The following USF1 variants were observed in gnomAD, a reference collection of about 807,000 sequenced individuals.
USF1 encodes the protein upstream transcription factor 1.
A neutral mutation model predicts 46.3 loss-of-function variants in USF1; 22 were observed. The ratio of observed to expected loss-of-function variants is 0.47; its 90% confidence interval spans 0.34 to 0.68. The LOEUF (loss-of-function observed/expected upper bound fraction) is 0.68, where lower values mean the gene tolerates loss of function less well. Among genes scored for constraint, USF1 ranks in the 30% least tolerant of loss-of-function variants. The pLI, the probability that USF1 is intolerant of heterozygous loss-of-function variation, is 0.01. For missense variants in USF1, 287 were observed against 399.3 expected, an observed-to-expected ratio of 0.72 and a Z score of 2.40; for synonymous variants, 150 against 147.0, an observed-to-expected ratio of 1.02 and a Z score of -0.15.
At position 161,040,904 on chromosome 1, in the gene USF1, G is replaced by A; in HGVS notation, c.561-32C>T. Reference sequence around the variant, plus strand: ...ACAGAGCCCAGGGTGGCCAGAGTAAGAAGACAAAATACATGATTGAAGTTT... The same window carrying A: ...ACAGAGCCCAGGGTGGCCAGAGTAAAAAGACAAAATACATGATTGAAGTTT... On this transcript the variant is annotated intron_variant, in intron 7 of 10. Coordinates refer to ENST00000368021, the MANE Select transcript of USF1 (RefSeq NM_007122.5). This position sits in a 1 kb window ranked among gnomAD's most constrained non-coding sequence, Gnocchi z 4.0. 3.1e-6 allele frequency: 5 copies of A among 1,613,758 alleles called. No homozygotes were observed. The highest frequency in any genetic ancestry group is 4.2e-6 in the Non-Finnish European group (5 of 1,179,906).
In USF1 at chr1:161,041,364, T is replaced by G; in HGVS notation, c.520A>C (p.Ser174Arg). ...GTCCTAGGGGCAATTGAGCGCTGGC[T>G]TCCTCCCTGCAGTACTTCTTGTGGT... ...MSPQEVLQGG[S>R]QRSIAPRTHP... is the part of the protein sequence containing the mutation. Residue 174 changes from serine to arginine, a missense_variant, in exon 7 of 11, where the codon AGC becomes CGC. Physicochemically the swap from Ser to Arg is moderately radical, Grantham distance 110 (BLOSUM62 -1). Transcript: ENST00000368021. 1 of 1,613,618 alleles carries G rather than the reference T, an allele frequency of 6.2e-7. No individual in the cohort carries two copies. The highest frequency in any genetic ancestry group is 8.5e-7 in the Non-Finnish European group (1 of 1,179,886).
chr1:161,040,050 G>A lies in USF1; in HGVS notation c.844-41C>T. On this transcript the variant is annotated intron_variant, in intron 10 of 10. Coordinates refer to ENST00000368021, the MANE Select transcript of USF1 (RefSeq NM_007122.5). This position sits in a 1 kb window ranked among gnomAD's most constrained non-coding sequence, Gnocchi z 4.0. ...GGCAGTAAAGGGAATGGGTAGTAAAGCTGGCACTTCCAAGCCCCTGAATGT... is the reference window on the plus strand; with the variant it reads ...GGCAGTAAAGGGAATGGGTAGTAAAACTGGCACTTCCAAGCCCCTGAATGT... The A allele has an allele frequency of 6.2e-7, 1 of 1,613,212 alleles. No homozygotes were observed. Among genetic ancestry groups the A allele is most frequent in the East Asian group, 2.2e-5 (1 of 44,884 alleles).
In USF1 at chr1:161,040,834, C is replaced by T. The variant is rs758148838; in HGVS notation, c.599G>A (p.Arg200His). Residue 200 changes from arginine (R) to histidine (H), a missense_variant, in exon 8 of 11, where the codon CGC (arginine) becomes CAC (histidine). Physicochemically the swap from Arg to His is conservative, Grantham distance 29. Coordinates refer to ENST00000368021, the MANE Select transcript of USF1 (RefSeq NM_007122.5). This position sits in a 1 kb window ranked among gnomAD's most constrained non-coding sequence, Gnocchi z 4.0. ...CCTACCTTCATTATGCTGAGCCCTGCGTTTCTCATCCCGAGTCGTCCGGGG... is the reference window on the plus strand; with the variant it reads ...CCTACCTTCATTATGCTGAGCCCTGTGTTTCTCATCCCGAGTCGTCCGGGG... ...EAPRTTRDEK[R>H]RAQHNEVERR... The T allele has an allele frequency of 1.2e-6, 2 of 1,614,106 alleles. No individual in the cohort carries two copies. Among genetic ancestry groups the T allele is most frequent in the Non-Finnish European group, 8.5e-7 (1 of 1,180,028 alleles).
In USF1 at chr1:161,040,432, G is replaced by A. The variant is rs1650496760; in HGVS notation, c.715-102C>T. ...TGGACCTCATTTTCATCTAAGGAAG[G>A]TGGTATAATATCTCCCAGGGATACA... On this transcript the variant is annotated intron_variant, in intron 9 of 10. Transcript: ENST00000368021. The surrounding 1 kb of genome is among the most constrained non-coding windows in gnomAD (Gnocchi z 4.0). 1.3e-6 allele frequency: 2 copies of A among 1,579,280 alleles called. No homozygotes were observed. The highest frequency in any genetic ancestry group is 1.7e-6 in the Non-Finnish European group (2 of 1,160,028).
chr1:161,041,455 C>G, intron 6 of USF1, 44 bp from the exon 7 acceptor site: 1 of 1,593,844 alleles, frequency 6.3e-7, no homozygotes, highest in East Asian at 2.2e-5. Flanking sequence ...TGGGTAGGAA[C>G]CTCACCAAGC....
chr1:161,039,310 A>AG lies in USF1; in HGVS notation c.*609_*610insC, dbSNP rs1650413039. 1 of 168,338 alleles carries AG rather than the reference A, an allele frequency of 5.9e-6. No individual in the cohort carries two copies. Among genetic ancestry groups the AG allele is most frequent in the Non-Finnish European group, 1.2e-5 (1 of 80,332 alleles). 10.4% of individuals were successfully genotyped at this position (168,338 alleles called of 1,614,324 possible). On this transcript the variant is annotated 3_prime_UTR_variant, in exon 11 of 11. Coordinates refer to ENST00000368021, the MANE Select transcript of USF1 (RefSeq NM_007122.5). ...AAAAAAAAAAAAAAAAGAAAAGAAA[A>AG]AAAAAAAACGACCCCCACAAGGGGG...
In USF1 at chr1:161,040,833, G is replaced by C; in HGVS notation, c.600C>G (p.Arg200=). 1 of 1,614,110 alleles carries C rather than the reference G, an allele frequency of 6.2e-7. No individual in the cohort carries two copies. ...ACCTACCTTCATTATGCTGAGCCCT[G>C]CGTTTCTCATCCCGAGTCGTCCGGG... ...EAPRTTRDEK[R]RAQHNEVERR... is the part of the protein sequence containing the mutation. The change falls in exon 8 of 11, where the codon CGC becomes CGG. Residue 200 remains arginine (R), a synonymous_variant. Coordinates refer to ENST00000368021, the MANE Select transcript of USF1 (RefSeq NM_007122.5). The surrounding 1 kb of genome is among the most constrained non-coding windows in gnomAD (Gnocchi z 4.0).
At chr1:161,042,769 TC>T in intron 3 of USF1, 63 bp downstream of exon 3, 1 of 1,612,448 alleles carries the variant, frequency 6.2e-7, no homozygotes, top group Non-Finnish European at 8.5e-7. Flanking sequence ...CAGGAGATGG[TC>T]TGGTGGGGAA....
At chr1:161,041,526 C>T (rs993814719) in intron 6 of USF1, 115 bp from the exon 7 acceptor site, 23 of 1,476,290 alleles carry the variant, frequency 1.6e-5, no homozygotes, top group East Asian at 4.6e-5. Flanking sequence ...AGAGCAGCCC[C>T]AGACTCACTG....
rs1250303785 is a variant in USF1 at position 161,042,576 on chromosome 1, G to T, written c.153C>A (p.Phe51Leu). 6.2e-7 allele frequency: 1 copy of T among 1,614,208 alleles called. No individual in the cohort carries two copies. The highest frequency in any genetic ancestry group is 1.1e-5 in the South Asian group (1 of 91,084). ...TFPDPNVKYV[F>L]RTENGGQVMY... is the part of the protein sequence containing the mutation. ...TTACCTGGCCCCCATTCTCAGTTCGGAAGACGTACTTGACGTTGGGGTCAG... is the reference window on the plus strand; with the variant it reads ...TTACCTGGCCCCCATTCTCAGTTCGTAAGACGTACTTGACGTTGGGGTCAG... The change falls in exon 4 of 11, where the codon TTC (phenylalanine) becomes TTA (leucine). Residue 51 changes from phenylalanine to leucine, a missense_variant. Phe to Leu is a conservative substitution (Grantham distance 22). Coordinates refer to ENST00000368021, the MANE Select transcript of USF1 (RefSeq NM_007122.5).
Position 161,040,057 on chromosome 1 carries a change from C to G in USF1, c.844-48G>C. The G allele has an allele frequency of 6.2e-7, 1 of 1,612,904 alleles. No homozygotes were observed. The highest frequency in any genetic ancestry group is 8.5e-7 in the Non-Finnish European group (1 of 1,178,962). On this transcript the variant is annotated intron_variant, in intron 10 of 10. Coordinates refer to ENST00000368021, the MANE Select transcript of USF1 (RefSeq NM_007122.5). This position sits in a 1 kb window ranked among gnomAD's most constrained non-coding sequence, Gnocchi z 4.0. ...AAGGGAATGGGTAGTAAAGCTGGCACTTCCAAGCCCCTGAATGTATTCAGA... is the reference window on the plus strand; with the variant it reads ...AAGGGAATGGGTAGTAAAGCTGGCAGTTCCAAGCCCCTGAATGTATTCAGA...
chr1:161,042,353 T>C, intron 4 of USF1, 136 bp from the exon 5 acceptor site: 1 of 1,067,934 alleles, frequency 9.4e-7, no homozygotes, highest in Non-Finnish European at 1.4e-6. Flanking sequence ...ATTCAGCCAT[T>C]CTCCCTTCTT....
In USF1 at chr1:161,040,298, A is replaced by G. The variant is rs1303295239; in HGVS notation, c.747T>C (p.Asp249=). 2 of 1,614,172 alleles carry G rather than the reference A, an allele frequency of 1.2e-6. No homozygotes were observed. The highest frequency in any genetic ancestry group is 2.2e-5 in the South Asian group (2 of 91,084). Residue 249 remains aspartate (D), a synonymous_variant, in exon 10 of 11, where the codon GAT becomes GAC. Transcript: ENST00000368021. This position sits in a 1 kb window ranked among gnomAD's most constrained non-coding sequence, Gnocchi z 4.0. ...SKGGILSKAC[D]YIQELRQSNH... is the part of the protein sequence containing the mutation. Reference sequence around the variant, plus strand: ...TACTCTGCCGAAGCTCCTGGATATAATCACAAGCTTTGGATAGAATCCCAC... The same window carrying G: ...TACTCTGCCGAAGCTCCTGGATATAGTCACAAGCTTTGGATAGAATCCCAC...
At chr1:161,042,732 T>C (rs1056506127) in intron 3 of USF1, 62 bp from the exon 4 acceptor site, 8 of 1,610,802 alleles carry the variant, frequency 5.0e-6, no homozygotes, top group Non-Finnish European at 3.4e-6. Context: ...CCGTTCCATT[T>C]GCATGTCACG....
rs1320208282 is a variant in USF1, at chr1:161,042,688, A to C, written c.59-18T>G. ...CACTGCACCTGAATTAAAAGAACAA[A>C]GGAAAAGTCTGTGAGTTAACTGCCT... On this transcript the variant is annotated intron_variant, in intron 3 of 10. Coordinates refer to ENST00000368021, the MANE Select transcript of USF1 (RefSeq NM_007122.5). The C allele has an allele frequency of 7.4e-6, 12 of 1,613,936 alleles. No individual in the cohort carries two copies. Among genetic ancestry groups the C allele is most frequent in the East Asian group, 2.2e-5 (1 of 44,896 alleles).
chr1:161,044,535 C>G (rs1650716776), intron 1 of USF1, among the ~76,000 whole-genome samples: 1 of 152,150 alleles, frequency 6.6e-6, no homozygotes, highest in African/African-American at 2.4e-5. Context: ...TTTGGGGTAT[C>G]CAGATTTATA....
intron 2 of USF1, 44 bp downstream of exon 2, chr1:161,043,224 G>C: frequency 6.2e-7 from 1 of 1,614,032 alleles, no homozygotes; most frequent in Non-Finnish European, 8.5e-7. Context: ...CATTCTTCCA[G>C]GCCACCCATC....
chr1:161,042,906 G>T (rs1349209838), intron 2 of USF1, 24 bp from the exon 3 acceptor site: 2 of 1,614,200 alleles, frequency 1.2e-6, no homozygotes, highest in Admixed American at 3.3e-5. Context: ...AAGGACAAAA[G>T]GAAGAGTATG....
chr1:161,042,128 T>A lies in USF1; in HGVS notation c.264A>T (p.Gln88His). 6.2e-7 allele frequency: 1 copy of A among 1,613,592 alleles called. No individual in the cohort carries two copies. The highest frequency in any genetic ancestry group is 1.1e-5 in the South Asian group (1 of 91,000). ...CCATACCCTGTACCTGGGTCATGGA[T>A]TGAGTGGCAGGGTAGCCACTGATGG... ...TGAISGYPAT[Q>H]SMTQAVIQGA... is the part of the protein sequence containing the mutation. Residue 88 changes from glutamine to histidine, a missense_variant, in exon 5 of 11, where the codon CAA becomes CAT. Coordinates refer to ENST00000368021, the MANE Select transcript of USF1 (RefSeq NM_007122.5).
Sources: allele counts gnomAD v4.1 joint callset (sites outside exome capture counted in the v4.1 genomes callset), GRCh38; gene constraint gnomAD v4.1.1; non-coding constraint Gnocchi (gnomAD v3.1); transcripts MANE v1.5; gene names NCBI Gene and HGNC (gene_info 2026-07-23, HGNC 2026-07-21).